Variants in KCNMA1 observed in about 807,000 individuals in gnomAD.
KCNMA1 encodes potassium calcium-activated channel subfamily M alpha 1, also known as Calcium-activated potassium channel subunit alpha-1.
Under a neutral mutation model 140.0 loss-of-function variants are expected in KCNMA1, and 29 were observed. That is an observed-to-expected ratio of 0.21 (90% confidence interval 0.15 to 0.28). The LOEUF (loss-of-function observed/expected upper bound fraction) is 0.28. Among genes scored for constraint, KCNMA1 ranks in the 10% least tolerant of loss-of-function variants. The pLI, the probability that KCNMA1 is intolerant of heterozygous loss-of-function variation, is 1.00. For missense variants in KCNMA1, 880 were observed against 1,602.2 expected, an observed-to-expected ratio of 0.55 and a Z score of 7.70; for synonymous variants, 612 against 611.9, an observed-to-expected ratio of 1.00 and a Z score of 0.00.
chr10:77,118,678 C>A (rs566631501), intron 6 of KCNMA1, among the ~76,000 whole-genome samples: 1 of 152,130 alleles, frequency 6.6e-6, no homozygotes, highest in East Asian at 1.9e-4. Context: ...CTAAAAGTAA[C>A]CTTCTCCTCG....
At chr10:77,355,834 C>T (rs1457220424) in intron 2 of KCNMA1, among the ~76,000 whole-genome samples, 1 of 137,476 alleles carries the variant, frequency 7.3e-6, no homozygotes, top group Non-Finnish European at 1.6e-5. Context: ...TGTGGCCATC[C>T]TTCTGGTAAA....
intron 2 of KCNMA1, among the ~76,000 whole-genome samples, chr10:77,266,481 ACCC>A: frequency 6.6e-6 from 1 of 152,074 alleles, no homozygotes; most frequent in Non-Finnish European, 1.5e-5. Flanking sequence ...AGCTTGGCGC[ACCC>A]TCTCCAGCAT....
chr10:77,258,903 C>A (rs1258915599), intron 2 of KCNMA1, among the ~76,000 whole-genome samples: 4 of 152,088 alleles, frequency 2.6e-5, no homozygotes, highest in Non-Finnish European at 4.4e-5. Context: ...ACGGAGGTTT[C>A]AGCAAGCCGA....
At chr10:76,914,190 GA>G in intron 24 of KCNMA1, 2 of 1,296,276 alleles carry the variant, frequency 1.5e-6, no homozygotes, top group East Asian at 2.5e-5. Flanking sequence ...GGAAAGTACA[GA>G]AAAAGAAGAG....
chr10:77,382,992 GTGTATATA>G (rs1239966922), intron 2 of KCNMA1, among the ~76,000 whole-genome samples: 141 of 44,466 alleles, frequency 3.2e-3, no homozygotes, highest in South Asian at 0.017. Flanking sequence ...GTGTGTGTGT[GTGTATATA>G]TATATATATA....
chr10:77,620,784 C>G (rs1393439195), intron 1 of KCNMA1, among the ~76,000 whole-genome samples: 1 of 152,164 alleles, frequency 6.6e-6, no homozygotes, highest in Non-Finnish European at 1.5e-5. Flanking sequence ...ATGGGCTTTG[C>G]ACTGTGTTTT....
intron 5 of KCNMA1, among the ~76,000 whole-genome samples, chr10:77,163,044 T>A (rs1260284816): frequency 6.6e-6 from 1 of 152,190 alleles, no homozygotes; most frequent in East Asian, 1.9e-4. Context: ...CTCAAACATA[T>A]GGATAAATGA....
chr10:77,613,680 C>A (rs904211153), intron 1 of KCNMA1, among the ~76,000 whole-genome samples: 1 of 152,188 alleles, frequency 6.6e-6, no homozygotes, highest in African/African-American at 2.4e-5. Flanking sequence ...AGGATGTTTG[C>A]GTTCAAGCCA....
intron 9 of KCNMA1, among the ~76,000 whole-genome samples, chr10:77,105,149 C>T (rs150694910): frequency 1.6e-4 from 25 of 152,292 alleles, no homozygotes; most frequent in Non-Finnish European, 2.2e-4. Context: ...CCAACACACA[C>T]GCACATGTGC....
At chr10:76,994,983 G>T (rs537901323) in intron 19 of KCNMA1, among the ~76,000 whole-genome samples, 137 of 152,274 alleles carry the variant, frequency 9.0e-4, no homozygotes, top group African/African-American at 3.2e-3. Context: ...TGAAGCCTGT[G>T]CCACTGCCCC....
At chr10:77,521,530 G>A (rs1462922681) in intron 1 of KCNMA1, among the ~76,000 whole-genome samples, 1 of 152,196 alleles carries the variant, frequency 6.6e-6, no homozygotes, top group Non-Finnish European at 1.5e-5. Flanking sequence ...CTGTGCCTCA[G>A]TTTCCTCATC....
intron 1 of KCNMA1, among the ~76,000 whole-genome samples, chr10:77,462,185 C>A (rs1161138239): frequency 1.3e-5 from 2 of 152,024 alleles, no homozygotes; most frequent in Non-Finnish European, 2.9e-5. Context: ...CAGACACATG[C>A]ACACTAACAT....
At chr10:77,294,547 C>T (rs2074338446) in intron 2 of KCNMA1, among the ~76,000 whole-genome samples, 1 of 152,238 alleles carries the variant, frequency 6.6e-6, no homozygotes, top group Non-Finnish European at 1.5e-5. Flanking sequence ...CATAGATACA[C>T]TGGCACATGT....
chr10:76,925,655 T>C (rs919501699), intron 23 of KCNMA1, among the ~76,000 whole-genome samples: 4 of 152,212 alleles, frequency 2.6e-5, no homozygotes, highest in Non-Finnish European at 4.4e-5. Flanking sequence ...TTTATGTTCT[T>C]GGTGCTATGG....
At chr10:77,027,555 G>T (rs185052545) in intron 16 of KCNMA1, among the ~76,000 whole-genome samples, 3 of 152,282 alleles carry the variant, frequency 2.0e-5, no homozygotes, top group Admixed American at 6.5e-5. Flanking sequence ...GGCATGATCA[G>T]GTGGAGATAT....
intron 2 of KCNMA1, among the ~76,000 whole-genome samples, chr10:77,334,958 A>G (rs1252984482): frequency 6.6e-6 from 1 of 152,096 alleles, no homozygotes; most frequent in Non-Finnish European, 1.5e-5. Context: ...GCACATCTCA[A>G]TTCAGGCTAG....
rs752263997 is a variant in KCNMA1, at chr10:77,380,659, C to G, written c.540+23203G>C. On this transcript the variant is annotated intron_variant, in intron 2 of 27. Transcript: ENST00000286628. ...ATGCACCCATAAATAAGCTGTAGATCCACATCTGGTTCTGAGCCCAGCACA... is the reference window on the plus strand; with the variant it reads ...ATGCACCCATAAATAAGCTGTAGATGCACATCTGGTTCTGAGCCCAGCACA... 4.6e-5 allele frequency among the ~76,000 whole-genome samples: 7 copies of G among 152,286 alleles called. No homozygotes were observed. In the South Asian group the frequency reaches 1.0e-3, roughly 23 times the overall value.
At chr10:77,322,401 A>G (rs1195861443) in intron 2 of KCNMA1, among the ~76,000 whole-genome samples, 1 of 152,234 alleles carries the variant, frequency 6.6e-6, no homozygotes, top group Non-Finnish European at 1.5e-5. Flanking sequence ...CAACTTCATC[A>G]TCAAATCCTC....
At chr10:77,422,026 T>C (rs556775074) in intron 1 of KCNMA1, among the ~76,000 whole-genome samples, 65 of 152,392 alleles carry the variant, frequency 4.3e-4, no homozygotes, top group African/African-American at 1.6e-3. Flanking sequence ...CAATGCTCAC[T>C]GCATACAGCA....
Sources: gnomAD v4.1 joint callset for allele counts (sites outside exome capture counted in the v4.1 genomes callset) on GRCh38, gnomAD v4.1.1 for gene constraint, MANE v1.5 for transcripts, NCBI Gene and HGNC (gene_info 2026-07-23, HGNC 2026-07-21) for gene names.